Variants in PTPRS observed in about 807,000 individuals in gnomAD.
PTPRS encodes protein tyrosine phosphatase receptor type S.
A neutral mutation model predicts 215.3 loss-of-function variants in PTPRS; 63 were observed. That is an observed-to-expected ratio of 0.29 (90% CI 0.24 to 0.36). The LOEUF is 0.36. Among genes scored for constraint, PTPRS ranks in the 10% least tolerant of loss-of-function variants. The probability of loss-of-function intolerance (pLI) is 1.00; values close to 1 mark genes in which losing one functional copy is unlikely to be tolerated. For missense variants in PTPRS, 2,258 were observed against 2,825.8 expected, an observed-to-expected ratio of 0.80 and a Z score of 4.56; for synonymous variants, 1,404 against 1,191.4, an observed-to-expected ratio of 1.18 and a Z score of -3.68.
intron 1 of PTPRS, 110 bp from the exon 2 acceptor site, chr19:5,286,344 G>C: frequency 1.7e-6 from 1 of 587,980 alleles, no homozygotes; most frequent in Non-Finnish European, 3.1e-6. Flanking sequence ...TGCGGGGGCT[G>C]GTCATGGGAC....
intron 1 of PTPRS, among the ~76,000 whole-genome samples, chr19:5,334,531 G>A (rs549284131): frequency 1.1e-4 from 17 of 152,276 alleles, no homozygotes; most frequent in Middle Eastern, 3.4e-3. Flanking sequence ...CCAACAAGTC[G>A]GCAGAGCCGG....
At chr19:5,278,036 T>C in intron 2 of PTPRS, 1 of 1,194,682 alleles carries the variant, frequency 8.4e-7, no homozygotes, top group Non-Finnish European at 1.2e-6. Context: ...TCGCTCACAG[T>C]GTTTCCTCCA....
chr19:5,210,773 G>T lies in PTPRS; in HGVS notation c.5267C>A (p.Pro1756Gln), dbSNP rs762745270. The change falls in exon 34 of 38, where the codon CCG (proline) becomes CAG (glutamine). Residue 1756 changes from proline to glutamine, a missense_variant. By Grantham distance (76) the Pro-to-Gln change is moderately conservative. Around this residue, in one of 6 missense-constraint regions of PTPRS, gnomAD observed 927 missense variants for 1,125.9 expected, o/e 0.82. Coordinates refer to ENST00000262963, the MANE Select transcript of PTPRS (RefSeq NM_002850.4). This position sits in a 1 kb window ranked among gnomAD's most constrained non-coding sequence, Gnocchi z 4.5. The part of the protein sequence containing the change: ...QQKAYIATQG[P>Q]LAETTEDFWR... ...GAAGTCTTCCGTGGTCTCCGCCAGC[G>T]GCCCCTGTGTCGCGATGTAGGCCTT... is the stretch of plus-strand genomic sequence containing the variant. The T allele has an allele frequency of 6.2e-6, 10 of 1,613,934 alleles. No homozygotes were observed. The highest frequency in any genetic ancestry group is 7.6e-6 in the Non-Finnish European group (9 of 1,180,040).
rs2049041299 is a variant in PTPRS at position 5,293,967 on chromosome 19, C to T, written c.-94-7733G>A. 6.6e-6 allele frequency among the ~76,000 whole-genome samples: 1 copy of T among 152,166 alleles called. No homozygotes were observed. The highest frequency in any genetic ancestry group is 1.5e-5 in the Non-Finnish European group (1 of 68,018). On this transcript the variant is annotated intron_variant, in intron 1 of 37. Transcript: ENST00000262963. This position sits in a 1 kb window ranked among gnomAD's most constrained non-coding sequence, Gnocchi z 8.4. ...GGGAGGGGCAGACCTGTCCGGGCGG[C>T]CAATCCGAGCCAGCGTTGCGCCCGG... is the stretch of plus-strand genomic sequence containing the variant.
chr19:5,316,015 C>G (rs2049865383), intron 1 of PTPRS, among the ~76,000 whole-genome samples: 1 of 152,090 alleles, frequency 6.6e-6, no homozygotes, highest in Admixed American at 6.5e-5. Flanking sequence ...CTCCTGGCCT[C>G]AAGCGATCCC....
chr19:5,221,402 CCCAGG>C lies in PTPRS; in HGVS notation c.3202-154_3202-150del. On this transcript the variant is annotated intron_variant, in intron 19 of 37. Coordinates refer to ENST00000262963, the MANE Select transcript of PTPRS (RefSeq NM_002850.4). ...AATCTAACACTGACTGATCCCTGAT[CCCAGG>C]CTGAGTCCCCAACTCTGACTGAGCC... 6 of 572,834 alleles carry C rather than the reference CCCAGG, an allele frequency of 1.0e-5. No homozygotes were observed. In the South Asian group the frequency reaches 1.1e-4, roughly 11 times the overall value. The allele number at this position is 572,834 out of a possible 1,614,324, so 35.5% of individuals were successfully genotyped here.
At chr19:5,288,909 A>C (rs1007576158) in intron 1 of PTPRS, among the ~76,000 whole-genome samples, 1 of 152,228 alleles carries the variant, frequency 6.6e-6, no homozygotes, top group Non-Finnish European at 1.5e-5. Context: ...ATGTCTGCGC[A>C]GGATGGGGCT....
rs147728488 is a variant in PTPRS at position 5,220,107 on chromosome 19, C to T, written c.3597G>A (p.Ser1199=). 23 of 1,613,374 alleles carry T rather than the reference C, an allele frequency of 1.4e-5. No homozygotes were observed. The highest frequency in any genetic ancestry group is 1.6e-4 in the Middle Eastern group (1 of 6,084). ...AGGGCCGGGGCACCTCCAGCTGACGCGAGTGCCGCAGGCTGCGCCTCTGTA... is the reference window on the plus strand; with the variant it reads ...AGGGCCGGGGCACCTCCAGCTGACGTGAGTGCCGCAGGCTGCGCCTCTGTA... ...SRLQRRSLRH[S]RQLEVPRPYI... is the part of the protein sequence containing the mutation. Residue 1199 remains serine (S), a synonymous_variant, in exon 22 of 38, where the codon TCG becomes TCA. Transcript: ENST00000262963.
intron 13 of PTPRS, among the ~76,000 whole-genome samples, chr19:5,236,611 C>T (rs2043462921): frequency 2.0e-5 from 3 of 152,186 alleles, no homozygotes; most frequent in Admixed American, 1.3e-4. Context: ...GGACACTATC[C>T]TGCTAGCATC....
At chr19:5,246,181 AAG>A (rs1444083784) in intron 9 of PTPRS, 136 bp from the exon 10 acceptor site, 5 of 485,092 alleles carry the variant, frequency 1.0e-5, no homozygotes, top group Admixed American at 4.3e-5. Context: ...GAAAGAAAAA[AAG>A]AAAAAAAAAG....
chr19:5,270,878 C>T (rs929732808), intron 4 of PTPRS, among the ~76,000 whole-genome samples: 1 of 152,318 alleles, frequency 6.6e-6, no homozygotes, highest in Non-Finnish European at 1.5e-5. Flanking sequence ...CTCCTGACCT[C>T]AAGTTGTCCA....
Position 5,335,541 on chromosome 19 carries a change from G to C in PTPRS, c.-95+5123C>G, listed in dbSNP as rs149786619. On this transcript the variant is annotated intron_variant, in intron 1 of 37. Coordinates refer to ENST00000262963, the MANE Select transcript of PTPRS (RefSeq NM_002850.4). ...GCAGGCAGGCAGGTGAGATCTGGGA[G>C]AAAAAGGGGAATTTTCAGTTCTCCA... Among the ~76,000 whole-genome samples the C allele has an allele frequency of 1.2e-3, 177 of 152,286 alleles. 1 individual carries two copies. Among genetic ancestry groups the C allele is most frequent in the African/African-American group, 4.1e-3 (169 of 41,560 alleles).
intron 9 of PTPRS, among the ~76,000 whole-genome samples, chr19:5,246,737 G>A (rs905967326): frequency 1.2e-4 from 19 of 152,064 alleles, no homozygotes; most frequent in Non-Finnish European, 2.1e-4. Flanking sequence ...CGCCCCCTCC[G>A]ACCGGGCCCT....
In PTPRS at chr19:5,219,939, A is replaced by T; in HGVS notation, c.3765T>A (p.Pro1255=). ...TGGGCGGACACCATTCAGGACTTAC[A>T]GGCTCGCTCTTCTGAAGCACGGCAA... is the stretch of plus-strand genomic sequence containing the variant. The part of the protein sequence containing the change: ...FVLAVLQKSE[P]TFAASPFSDP... The change falls in exon 22 of 38, where the codon CCT becomes CCA. Residue 1255 remains proline, a splice_region_variant and synonymous_variant. Transcript: ENST00000262963. 6.2e-6 allele frequency: 10 copies of T among 1,613,454 alleles called. No homozygotes were observed. The highest frequency in any genetic ancestry group is 8.5e-6 in the Non-Finnish European group (10 of 1,179,522).
At chr19:5,246,152 GAAGAAAGAAAGA>G in intron 9 of PTPRS, 107 bp from the exon 10 acceptor site, 8 of 565,612 alleles carry the variant, frequency 1.4e-5, no homozygotes, top group Non-Finnish European at 2.1e-5. Flanking sequence ...AAGCAGGAAG[GAAGAAAGAAAGA>G]AGGAAAGAAA....
chr19:5,247,084 GA>G (rs1438015405), intron 9 of PTPRS, among the ~76,000 whole-genome samples: 17 of 151,594 alleles, frequency 1.1e-4, no homozygotes, highest in Non-Finnish European at 2.5e-4. Flanking sequence ...GAGAAAGAAA[GA>G]AAGAAGGGGG....
At position 5,214,752 on chromosome 19, in the gene PTPRS, G is replaced by A; in HGVS notation, c.4319-16C>T. 1 of 1,589,554 alleles carries A rather than the reference G, an allele frequency of 6.3e-7. No homozygotes were observed. The highest frequency in any genetic ancestry group is 1.7e-4 in the Middle Eastern group (1 of 5,990). ...CCCATGATGCCTGCAGCCAGGGCGA[G>A]AGGCCAGGGATCTGTGGGGGCTGTC... On this transcript the variant is annotated splice_polypyrimidine_tract_variant and intron_variant, in intron 28 of 37. Coordinates refer to ENST00000262963, the MANE Select transcript of PTPRS (RefSeq NM_002850.4).
chr19:5,211,807 A>G (rs1288627791), intron 32 of PTPRS, 39 bp from the exon 33 acceptor site: 1 of 1,603,438 alleles, frequency 6.2e-7, no homozygotes, highest in Non-Finnish European at 8.5e-7. Context: ...CATCAGGATG[A>G]GGAAGGCTAT....
At position 5,222,838 on chromosome 19, in the gene PTPRS, G is replaced by T; in HGVS notation, c.2954C>A (p.Ala985Glu). ...LGPARETELP[A>E]AAEPGAENAL... ...GTTCTCCGCGCCCGGCTCAGCCGCT[G>T]CCGGCAGCTCAGTCTCTCGGGCAGG... The change falls in exon 18 of 38, where the codon GCA becomes GAA. Residue 985 changes from alanine to glutamate, a missense_variant. Physicochemically the swap from Ala to Glu is moderately radical, Grantham distance 107. Around this residue, in one of 6 missense-constraint regions of PTPRS, gnomAD observed 361 missense variants for 332.6 expected, o/e 1.09. Transcript: ENST00000262963. The T allele has an allele frequency of 6.3e-7, 1 of 1,594,178 alleles. No individual in the cohort carries two copies. The highest frequency in any genetic ancestry group is 8.5e-7 in the Non-Finnish European group (1 of 1,176,566).
Sources: gnomAD v4.1 joint callset for allele counts (sites outside exome capture counted in the v4.1 genomes callset) on GRCh38, gnomAD v4.1.1 for gene constraint, gnomAD v4.1.1 regional missense constraint, Gnocchi (gnomAD v3.1) non-coding constraint, MANE v1.5 for transcripts, NCBI Gene and HGNC (gene_info 2026-07-23, HGNC 2026-07-21) for gene names.